Variants in DLGAP2 observed in about 807,000 individuals in gnomAD.
DLGAP2 encodes DLG associated protein 2.
In DLGAP2, 26 loss-of-function variants were observed where a neutral mutation model predicts 100.3. The ratio of observed to expected loss-of-function variants is 0.26; its 90% CI spans 0.19 to 0.36. The LOEUF is 0.36. Among genes scored for constraint, DLGAP2 ranks in the 10% least tolerant of loss-of-function variants. DLGAP2 has a pLI of 1.00. For missense variants in DLGAP2, 1,858 were observed against 1,453.2 expected (o/e 1.28, Z -4.53); for synonymous variants, 886 against 630.1 (o/e 1.41, Z -6.08).
At chr8:837,001 A>G (rs1168103896) in intron 1 of DLGAP2, among the ~76,000 whole-genome samples, 2 of 152,178 alleles carry the variant, frequency 1.3e-5, no homozygotes, top group African/African-American at 4.8e-5. Context: ...TTACTTGGCT[A>G]GATAATGTCA....
At chr8:804,420 G>A (rs1407270322) in intron 1 of DLGAP2, among the ~76,000 whole-genome samples, 3 of 152,162 alleles carry the variant, frequency 2.0e-5, no homozygotes, top group South Asian at 4.1e-4. Context: ...GGTGGAAACC[G>A]CTACTGCACC....
intron 2 of DLGAP2, among the ~76,000 whole-genome samples, chr8:1,247,270 TGA>T (rs776163003): frequency 0.015 from 677 of 44,780 alleles, 23 homozygotes; most frequent in African/African-American, 0.019. Flanking sequence ...AGTGTGGGAG[TGA>T]GATGGTCCAC....
chr8:1,293,244 C>G lies in DLGAP2; in HGVS notation c.106+34361C>G, dbSNP rs1800100009. On this transcript the variant is annotated intron_variant, in intron 3 of 14. Transcript: ENST00000637795. The stretch of plus-strand genomic sequence containing the variant: ...CACACACACACATGGGCCCACATGC[C>G]CTCTCCCTCTCCTGGTGCAGTGCAG... 2.0e-5 allele frequency among the ~76,000 whole-genome samples: 3 copies of G among 152,332 alleles called. No homozygotes were observed. In the South Asian group the frequency reaches 6.2e-4, roughly 32 times the overall value.
intron 8 of DLGAP2, among the ~76,000 whole-genome samples, chr8:1,647,235 G>C (rs770699784): frequency 1.3e-5 from 2 of 152,070 alleles, no homozygotes; most frequent in Non-Finnish European, 2.9e-5. Flanking sequence ...CTAGCGTAAG[G>C]TATTCATGAA....
chr8:1,635,671 T>C (rs1797749730), intron 8 of DLGAP2, among the ~76,000 whole-genome samples: 2 of 152,252 alleles, frequency 1.3e-5, no homozygotes, highest in African/African-American at 4.8e-5. Flanking sequence ...CATTACTTTA[T>C]GCAGGCTCAA....
At chr8:1,685,909 A>T (rs910943023) in intron 12 of DLGAP2, among the ~76,000 whole-genome samples, 26 of 152,192 alleles carry the variant, frequency 1.7e-4, no homozygotes, top group African/African-American at 5.8e-4. Flanking sequence ...GGCTATTATC[A>T]CAAAGACAAA....
chr8:955,041 C>G (rs940261107), intron 2 of DLGAP2, among the ~76,000 whole-genome samples: 1 of 151,992 alleles, frequency 6.6e-6, no homozygotes, highest in African/African-American at 2.4e-5. Context: ...TACAGAACTG[C>G]CAGTGCCTGT....
intron 3 of DLGAP2, among the ~76,000 whole-genome samples, chr8:1,468,970 T>C (rs983569020): frequency 1.3e-5 from 2 of 152,190 alleles, no homozygotes; most frequent in Non-Finnish European, 2.9e-5. Context: ...CTTCCCTCTG[T>C]ACGACCTCAT....
intron 2 of DLGAP2, among the ~76,000 whole-genome samples, chr8:1,090,617 C>T (rs1375957864): frequency 2.6e-5 from 4 of 152,200 alleles, no homozygotes; most frequent in East Asian, 3.9e-4. Flanking sequence ...GGTTGGGGGT[C>T]TTGCCTCTTG....
chr8:1,352,836 A>G (rs938661170), intron 3 of DLGAP2, among the ~76,000 whole-genome samples: 1 of 152,142 alleles, frequency 6.6e-6, no homozygotes, highest in Admixed American at 6.5e-5. Context: ...ATAGTAAGTC[A>G]TTCTCTGGAG....
chr8:1,694,336 G>C (rs575244689), intron 13 of DLGAP2, among the ~76,000 whole-genome samples: 3 of 152,200 alleles, frequency 2.0e-5, no homozygotes, highest in Admixed American at 6.5e-5. Context: ...TAGCACCGCT[G>C]TCTGCTGGAA....
intron 2 of DLGAP2, among the ~76,000 whole-genome samples, chr8:925,867 G>A (rs560899286): frequency 2.8e-4 from 43 of 152,226 alleles, no homozygotes; most frequent in Non-Finnish European, 1.3e-4. Flanking sequence ...AGGCAGGCAG[G>A]GGCGTTGCAT....
In DLGAP2 at chr8:1,282,386, C is replaced by T. The variant is rs1489563410; in HGVS notation, c.106+23503C>T. The stretch of plus-strand genomic sequence containing the variant: ...TGTGACCTGAACCCAGCACCTGAAG[C>T]ATCCAGACGTGGTGTGACCTGAACC... On this transcript the variant is annotated intron_variant, in intron 3 of 14. Transcript: ENST00000637795. Among the ~76,000 whole-genome samples the T allele has an allele frequency of 5.7e-4, 82 of 143,918 alleles. 1 individual carries two copies. Among genetic ancestry groups the T allele is most frequent in the Admixed American group, 3.3e-3 (46 of 14,144 alleles). 94.4% of individuals were successfully genotyped at this position (143,918 alleles called of 152,430 possible).
chr8:937,319 CAA>C (rs1799094519), intron 2 of DLGAP2, among the ~76,000 whole-genome samples: 1 of 152,306 alleles, frequency 6.6e-6, no homozygotes, highest in Admixed American at 6.5e-5. Flanking sequence ...AAGATCAAAA[CAA>C]GAGTGATGTT....
chr8:1,113,693 T>C (rs1805030492), intron 2 of DLGAP2, among the ~76,000 whole-genome samples: 1 of 152,112 alleles, frequency 6.6e-6, no homozygotes, highest in Admixed American at 6.6e-5. Flanking sequence ...CTTTATTTTT[T>C]CTATTGCCTG....
At chr8:1,126,015 T>A (rs1472141697) in intron 2 of DLGAP2, among the ~76,000 whole-genome samples, 1 of 152,234 alleles carries the variant, frequency 6.6e-6, no homozygotes, top group Non-Finnish European at 1.5e-5. Context: ...TGGAAGTTGA[T>A]AATTTGTAAA....
At chr8:1,613,702 G>A (rs1008180956) in intron 6 of DLGAP2, among the ~76,000 whole-genome samples, 11 of 152,142 alleles carry the variant, frequency 7.2e-5, no homozygotes, top group Admixed American at 4.6e-4. Flanking sequence ...TTTTGGGAGA[G>A]TAGTTTAACA....
chr8:824,549 C>G (rs765204396), intron 1 of DLGAP2, among the ~76,000 whole-genome samples: 6 of 152,224 alleles, frequency 3.9e-5, no homozygotes, highest in Non-Finnish European at 4.4e-5. Context: ...ATTCGTGACT[C>G]CTGTCCCCAC....
At chr8:1,460,376 C>G (rs1798440018) in intron 3 of DLGAP2, among the ~76,000 whole-genome samples, 1 of 152,220 alleles carries the variant, frequency 6.6e-6, no homozygotes, top group African/African-American at 2.4e-5. Flanking sequence ...GGAGTAAATT[C>G]AATGTGTCAG....
Sources: gnomAD v4.1 joint callset for allele counts (sites outside exome capture counted in the v4.1 genomes callset) on GRCh38, gnomAD v4.1.1 for gene constraint, MANE v1.5 for transcripts, NCBI Gene and HGNC (gene_info 2026-07-23, HGNC 2026-07-21) for gene names.